HHIPL2: variants seen among roughly 807,000 people sequenced by gnomAD.
HHIPL2 encodes the protein HHIP-like protein 2.
A neutral mutation model predicts 61.0 loss-of-function variants in HHIPL2; 61 were observed. The ratio of observed to expected loss-of-function variants is 1.00; its 90% CI spans 0.81 to 1.24. The LOEUF (loss-of-function observed/expected upper bound fraction) is 1.24, where lower values mean the gene tolerates loss of function less well. Among genes scored for constraint, HHIPL2 ranks in the 50% most tolerant of loss-of-function variants. HHIPL2 has a pLI of 0.00. For synonymous variants in HHIPL2, 343 were observed against 357.4 expected, an observed-to-expected ratio of 0.96 and a Z score of 0.45; for missense variants, 885 against 910.2, an observed-to-expected ratio of 0.97 and a Z score of 0.36.
chr1:222,534,577 TAA>T (rs67437927), intron 5 of HHIPL2, among the ~76,000 whole-genome samples: 2 of 72,668 alleles, frequency 2.8e-5, no homozygotes, highest in African/African-American at 5.6e-5. Flanking sequence ...ACTCCATCTC[TAA>T]AAAAAAAAAA....
intron 6 of HHIPL2, among the ~76,000 whole-genome samples, chr1:222,529,177 G>A (rs1337912894): frequency 6.6e-6 from 1 of 152,170 alleles, no homozygotes; most frequent in African/African-American, 2.4e-5. Flanking sequence ...TGTGCTAAGT[G>A]TGAGCCTCAT....
rs761655481 is a variant in HHIPL2 at position 222,543,937 on chromosome 1, G to A, written c.574C>T (p.Arg192Cys). Residue 192 changes from arginine (R) to cysteine (C), a missense_variant, in exon 2 of 9, where the codon CGC (arginine) becomes TGC (cysteine). Arg to Cys is a radical substitution (Grantham distance 180). Transcript: ENST00000343410. ...PNVLRNDYLN[R>C]HLGMVAQDPQ... The stretch of plus-strand genomic sequence containing the variant: ...TCTTGGGCCACCATGCCCAGGTGGC[G>A]GTTGAGATAGTCGTTCCTCAGGACA... 4.3e-6 allele frequency: 7 copies of A among 1,614,030 alleles called. No homozygotes were observed. The highest frequency in any genetic ancestry group is 5.9e-6 in the Non-Finnish European group (7 of 1,180,024).
chr1:222,534,600 T>TAAAAAAAAA (rs1659262964), intron 5 of HHIPL2, among the ~76,000 whole-genome samples: 1 of 94,572 alleles, frequency 1.1e-5, no homozygotes, highest in Non-Finnish European at 2.1e-5. Context: ...AAAAAAAAAT[T>TAAAAAAAAA]ACAGAGAGAT....
chr1:222,522,759 T>C lies in HHIPL2; in HGVS notation c.2017A>G (p.Thr673Ala), dbSNP rs1571760899. 6.2e-7 allele frequency: 1 copy of C among 1,614,128 alleles called. No homozygotes were observed. The highest frequency in any genetic ancestry group is 8.5e-7 in the Non-Finnish European group (1 of 1,180,028). Residue 673 changes from threonine to alanine, a missense_variant, in exon 9 of 9, where the codon ACA becomes GCA. Coordinates refer to ENST00000343410, the MANE Select transcript of HHIPL2 (RefSeq NM_024746.4). ...KGSSKKLASP[T>A]SSKNTLRGPG... ...CCTCGCAATGTATTCTTGCTGCTTG[T>C]AGGAGAAGCCAGCTTCTTGGAGGAG...
At chr1:222,541,949 G>A in intron 3 of HHIPL2, 63 bp downstream of exon 3, 4 of 1,518,530 alleles carry the variant, frequency 2.6e-6, no homozygotes, top group Non-Finnish European at 2.6e-6. Context: ...TGCCATCCCT[G>A]CAAAAACACC....
chr1:222,536,142 A>G (rs1659298234), intron 5 of HHIPL2, among the ~76,000 whole-genome samples: 1 of 152,016 alleles, frequency 6.6e-6, no homozygotes, highest in African/African-American at 2.4e-5. Flanking sequence ...AAGAAAAAAG[A>G]GAAGAAATCA....
chr1:222,539,527 T>TAAAAAAAAAAAAAAAAAAAAAAAAAAAA (rs10537670), intron 4 of HHIPL2, among the ~76,000 whole-genome samples: 10 of 85,172 alleles, frequency 1.2e-4, no homozygotes, highest in Non-Finnish European at 1.9e-4. Flanking sequence ...AGACTCTGTC[T>TAAAAAAAAAAAAAAAAAAAAAAAAAAAA]AAAAAAAAAA....
chr1:222,547,176 C>G (rs1659572207), intron 1 of HHIPL2, among the ~76,000 whole-genome samples: 1 of 152,210 alleles, frequency 6.6e-6, no homozygotes, highest in African/African-American at 2.4e-5. Flanking sequence ...TACTCAGCAG[C>G]TTGCATCTCT....
At chr1:222,538,519 T>C in intron 5 of HHIPL2, 129 bp downstream of exon 5, 2 of 819,680 alleles carry the variant, frequency 2.4e-6, no homozygotes, top group Admixed American at 2.5e-5. Context: ...GGTGGTAATA[T>C]GAGTGCATAC....
chr1:222,544,875 T>G (rs753260087), intron 1 of HHIPL2, among the ~76,000 whole-genome samples: 16 of 152,340 alleles, frequency 1.1e-4, no homozygotes, highest in Middle Eastern at 3.4e-3. Context: ...CTCTCAGAGA[T>G]TAGGTGTTTA....
chr1:222,526,873 G>C, intron 7 of HHIPL2, 96 bp downstream of exon 7: 1 of 932,284 alleles, frequency 1.1e-6, no homozygotes, highest in East Asian at 2.6e-5. Flanking sequence ...TAGAACATGA[G>C]TTTGCTTCGG....
At chr1:222,526,365 C>T (rs905455815) in intron 7 of HHIPL2, among the ~76,000 whole-genome samples, 7 of 151,422 alleles carry the variant, frequency 4.6e-5, no homozygotes, top group African/African-American at 1.7e-4. Flanking sequence ...GAGGTGTACA[C>T]CTGTTGTTAG....
chr1:222,533,890 T>C (rs1323539593), intron 5 of HHIPL2, among the ~76,000 whole-genome samples: 3 of 151,952 alleles, frequency 2.0e-5, no homozygotes, highest in Non-Finnish European at 4.4e-5. Context: ...GAGAAGAAAA[T>C]TGCACAGAGA....
intron 5 of HHIPL2, among the ~76,000 whole-genome samples, chr1:222,533,191 C>T (rs1279529923): frequency 1.3e-5 from 2 of 151,898 alleles, no homozygotes; most frequent in African/African-American, 4.8e-5. Context: ...ATGGCAAAAC[C>T]CCATCTCTAC....
intron 7 of HHIPL2, among the ~76,000 whole-genome samples, chr1:222,526,568 G>A (rs1659070517): frequency 6.6e-6 from 1 of 152,074 alleles, no homozygotes; most frequent in Admixed American, 6.6e-5. Flanking sequence ...AGCTAGCTAT[G>A]GTGGTGCATG....
At chr1:222,527,164 G>A (rs1050786414) in intron 6 of HHIPL2, 114 bp from the exon 7 acceptor site, 13 of 747,828 alleles carry the variant, frequency 1.7e-5, no homozygotes, top group African/African-American at 5.3e-5. Flanking sequence ...TGCAGTGAGC[G>A]CCAAGAACGG....
In HHIPL2 at chr1:222,525,642, T is replaced by C. The variant is rs144342876; in HGVS notation, c.1805+1327A>G. Among the ~76,000 whole-genome samples the C allele has an allele frequency of 2.2e-3, 342 of 152,336 alleles. 2 individuals carry two copies. Among genetic ancestry groups the C allele is most frequent in the Middle Eastern group, 3.4e-3 (1 of 294 alleles). ...TCAGGGGAAAATTTTCTTCTGCATG[T>C]CTATCTGTAAGCTAATTCAGGGGGA... On this transcript the variant is annotated intron_variant, in intron 7 of 8. Coordinates refer to ENST00000343410, the MANE Select transcript of HHIPL2 (RefSeq NM_024746.4).
rs1160574150 is a variant in HHIPL2 at position 222,547,857 on chromosome 1, T to G, written c.188A>C (p.Asp63Ala). 4.3e-6 allele frequency: 7 copies of G among 1,614,064 alleles called. No homozygotes were observed. The highest frequency in any genetic ancestry group is 1.3e-5 in the African/African-American group (1 of 75,000). The change falls in exon 1 of 9, where the codon GAC becomes GCC. Residue 63 changes from aspartate (D) to alanine (A), a missense_variant. By Grantham distance (126) the Asp-to-Ala change is moderately radical (BLOSUM62 -2). Coordinates refer to ENST00000343410, the MANE Select transcript of HHIPL2 (RefSeq NM_024746.4). ...ATCACAGCAGCCGAAGGACTCATAG[T>G]CAGAGCAAAACTCAAGGTGCAGAGG... is the stretch of plus-strand genomic sequence containing the variant. The part of the protein sequence containing the change: ...QPPLHLEFCS[D>A]YESFGCCDQH...
chr1:222,546,258 G>A (rs1264609254), intron 1 of HHIPL2, among the ~76,000 whole-genome samples: 1 of 152,146 alleles, frequency 6.6e-6, no homozygotes, highest in East Asian at 1.9e-4. Flanking sequence ...TTAGCACGGT[G>A]TGATCAAAAG....
Sources: allele counts gnomAD v4.1 joint callset (sites outside exome capture counted in the v4.1 genomes callset), GRCh38; gene constraint gnomAD v4.1.1; transcripts MANE v1.5; gene names NCBI Gene and HGNC (gene_info 2026-07-23, HGNC 2026-07-21).